RBFOX1: variants seen among roughly 807,000 people sequenced by gnomAD.
The protein encoded by RBFOX1 is RNA binding protein fox-1 homolog 1.
Under a neutral mutation model 57.7 loss-of-function variants are expected in RBFOX1, and 8 were observed. The ratio of observed to expected loss-of-function variants is 0.14; its 90% CI spans 0.08 to 0.25. The LOEUF is 0.25. Among genes scored for constraint, RBFOX1 ranks in the 10% least tolerant of loss-of-function variants. RBFOX1 has a pLI of 1.00. For missense variants in RBFOX1, 611 were observed against 548.5 expected, an observed-to-expected ratio of 1.11 and a Z score of -1.14; for synonymous variants, 326 against 222.4, an observed-to-expected ratio of 1.47 and a Z score of -4.15.
intron 2 of RBFOX1, among the ~76,000 whole-genome samples, chr16:6,598,497 C>T (rs1004959883): frequency 1.3e-4 from 20 of 152,066 alleles, no homozygotes; most frequent in African/African-American, 2.4e-4. Flanking sequence ...ATAAAGAGGA[C>T]GTCAGACCGA....
chr16:7,220,001 G>C (rs148755338), intron 4 of RBFOX1, among the ~76,000 whole-genome samples: 3 of 152,236 alleles, frequency 2.0e-5, no homozygotes, highest in African/African-American at 7.2e-5. Context: ...TGTTAATGTG[G>C]TGTATCTTGT....
chr16:5,459,455 T>C (rs2068725329), intron 1 of RBFOX1, among the ~76,000 whole-genome samples: 1 of 152,104 alleles, frequency 6.6e-6, no homozygotes, highest in South Asian at 2.1e-4. Flanking sequence ...CCCAGATCCA[T>C]GCTTCCGTTT....
chr16:6,660,039 A>G (rs1261628771), intron 3 of RBFOX1, among the ~76,000 whole-genome samples: 1 of 152,046 alleles, frequency 6.6e-6, no homozygotes, highest in Non-Finnish European at 1.5e-5. Context: ...ACCATGGCCA[A>G]CATAGTGAAA....
At chr16:7,178,683 A>C (rs971240258) in intron 4 of RBFOX1, among the ~76,000 whole-genome samples, 1 of 152,148 alleles carries the variant, frequency 6.6e-6, no homozygotes, top group African/African-American at 2.4e-5. Context: ...ATACTCTTCT[A>C]CTTGATGGTA....
chr16:5,976,963 G>T (rs750887238), intron 4 of RBFOX1, among the ~76,000 whole-genome samples: 2 of 152,122 alleles, frequency 1.3e-5, no homozygotes, highest in Admixed American at 1.3e-4. Context: ...CCTCCTGCAC[G>T]TGCACTTCTC....
intron 4 of RBFOX1, among the ~76,000 whole-genome samples, chr16:7,315,838 A>G (rs1430653636): frequency 1.3e-5 from 2 of 152,162 alleles, no homozygotes; most frequent in East Asian, 1.9e-4. Context: ...TTATGTCTAC[A>G]TGGCACAAGA....
intron 1 of RBFOX1, among the ~76,000 whole-genome samples, chr16:6,169,569 A>C (rs2152762166): frequency 6.6e-6 from 1 of 152,304 alleles, no homozygotes; most frequent in African/African-American, 2.4e-5. Flanking sequence ...GTGGTGGAAG[A>C]TGTATAGACA....
chr16:7,401,482 T>C (rs533976960), intron 4 of RBFOX1, among the ~76,000 whole-genome samples: 1 of 152,306 alleles, frequency 6.6e-6, no homozygotes, highest in Non-Finnish European at 1.5e-5. Flanking sequence ...AATATGTTGA[T>C]AGACCCTCAA....
intron 11 of RBFOX1, among the ~76,000 whole-genome samples, chr16:7,651,320 G>T (rs191879841): frequency 6.6e-6 from 1 of 152,130 alleles, no homozygotes; most frequent in East Asian, 1.9e-4. Context: ...TGGAATGGCT[G>T]CTGTGGCAAA....
At position 5,331,726 on chromosome 16, in the gene RBFOX1, G is replaced by A. The variant is rs981609550; in HGVS notation, c.219+91621G>A. ...GGCTGCAGAATGCAGTAAGAGGTGG[G>A]GACCATTCCTGTAATTCCCCATGGG... On this transcript the variant is annotated intron_variant, in intron 1 of 2. Transcript: ENST00000585867. Among the ~76,000 whole-genome samples, 5 of 152,252 alleles carry A rather than the reference G, an allele frequency of 3.3e-5. No individual in the cohort carries two copies. In the East Asian group the frequency reaches 7.7e-4, roughly 23 times the overall value.
At chr16:6,781,962 T>A (rs1371716626) in intron 3 of RBFOX1, among the ~76,000 whole-genome samples, 1 of 152,166 alleles carries the variant, frequency 6.6e-6, no homozygotes, top group East Asian at 1.9e-4. Flanking sequence ...GCTCTTACTT[T>A]TCTAGTTCTT....
intron 1 of RBFOX1, among the ~76,000 whole-genome samples, chr16:5,456,720 A>C (rs1239886852): frequency 6.6e-6 from 1 of 152,048 alleles, no homozygotes; most frequent in Non-Finnish European, 1.5e-5. Flanking sequence ...AATAGCTGTT[A>C]GCTGGGGAAC....
chr16:7,100,318 C>T (rs1355247509), intron 4 of RBFOX1, among the ~76,000 whole-genome samples: 5 of 152,062 alleles, frequency 3.3e-5, no homozygotes, highest in Non-Finnish European at 7.4e-5. Flanking sequence ...AAATAAAAGT[C>T]ATATTTGGAC....
chr16:7,656,825 A>G (rs1480019016), intron 12 of RBFOX1, among the ~76,000 whole-genome samples: 2 of 152,186 alleles, frequency 1.3e-5, no homozygotes, highest in Non-Finnish European at 2.9e-5. Context: ...TTGTGTGAAC[A>G]CTAGGGAAAG....
chr16:7,603,544 A>G (rs568052640), intron 9 of RBFOX1, among the ~76,000 whole-genome samples: 1 of 152,338 alleles, frequency 6.6e-6, no homozygotes, highest in South Asian at 2.1e-4. Flanking sequence ...GGAAAGTGAC[A>G]TTAACTGGCA....
At position 7,579,819 on chromosome 16, in the gene RBFOX1, C is replaced by G. The variant is rs754612599; in HGVS notation, c.313C>G (p.Gln105Glu). 2 of 1,614,142 alleles carry G rather than the reference C, an allele frequency of 1.2e-6. No individual in the cohort carries two copies. The highest frequency in any genetic ancestry group is 1.7e-6 in the Non-Finnish European group (2 of 1,180,004). Residue 105 changes from glutamine to glutamate, a missense_variant, in exon 6 of 16, where the codon CAA becomes GAA. Physicochemically the swap from Gln to Glu is conservative, Grantham distance 29. Coordinates refer to ENST00000550418, the MANE Select transcript of RBFOX1 (RefSeq NM_018723.4). ...AAPTDGQPQTQPSENTENKSQ... is the reference protein window; with the variant it reads ...AAPTDGQPQTEPSENTENKSQ... ...ACCGACGGATGGCCAGCCCCAGACA[C>G]AACCTTCTGAAAACACGGAAAACAA...
At chr16:6,760,861 G>A (rs1567140437) in intron 3 of RBFOX1, among the ~76,000 whole-genome samples, 1 of 152,098 alleles carries the variant, frequency 6.6e-6, no homozygotes, top group African/African-American at 2.4e-5. Context: ...CGCTGCCTCT[G>A]GTCAATGCCA....
intron 4 of RBFOX1, among the ~76,000 whole-genome samples, chr16:5,956,639 A>AATATATATAT (rs1373907599): frequency 6.5e-5 from 8 of 123,542 alleles, no homozygotes; most frequent in Admixed American, 2.0e-4. Flanking sequence ...GCAAAAAACA[A>AATATATATAT]ATATATATAT....
At chr16:7,593,774 G>C (rs1430988981) in intron 7 of RBFOX1, among the ~76,000 whole-genome samples, 1 of 151,964 alleles carries the variant, frequency 6.6e-6, no homozygotes, top group Non-Finnish European at 1.5e-5. Context: ...TGTGGGACTT[G>C]GAAATGCAAG....
Sources: gnomAD v4.1 joint callset for allele counts (sites outside exome capture counted in the v4.1 genomes callset) on GRCh38, gnomAD v4.1.1 for gene constraint, MANE v1.5 for transcripts, NCBI Gene and HGNC (gene_info 2026-07-23, HGNC 2026-07-21) for gene names.